The following SPEF2 variants were observed in gnomAD, a reference collection of about 807,000 sequenced individuals.
The protein encoded by SPEF2 is sperm flagellar and cilia associated 2.
A neutral mutation model predicts 224.6 loss-of-function variants in SPEF2; 187 were observed. That is an observed-to-expected ratio of 0.83 (90% CI 0.74 to 0.94). SPEF2 has a LOEUF of 0.94. Ranked by LOEUF, SPEF2 falls within the 40% of genes least tolerant of loss-of-function variation. The pLI is 0.00. For synonymous variants in SPEF2, 715 were observed against 707.3 expected (o/e 1.01, Z -0.17); for missense variants, 2,170 against 2,135.6 (o/e 1.02, Z -0.32).
chr5:35,752,184 G>C (rs921956894), intron 23 of SPEF2, among the ~76,000 whole-genome samples: 7 of 152,206 alleles, frequency 4.6e-5, no homozygotes, highest in Admixed American at 1.3e-4. Flanking sequence ...GTGTGGCCCA[G>C]TTCCTAACAA....
chr5:35,768,438 A>C (rs1752372820), intron 26 of SPEF2, among the ~76,000 whole-genome samples: 2 of 152,136 alleles, frequency 1.3e-5, no homozygotes, highest in African/African-American at 4.8e-5. Flanking sequence ...GAAAGGGAGG[A>C]TCATATAGCT....
At chr5:35,746,862 A>T (rs1444268760) in intron 23 of SPEF2, among the ~76,000 whole-genome samples, 1 of 152,176 alleles carries the variant, frequency 6.6e-6, no homozygotes, top group Non-Finnish European at 1.5e-5. Flanking sequence ...ACCTAGGCAC[A>T]TTGCCATCAG....
intron 30 of SPEF2, among the ~76,000 whole-genome samples, chr5:35,783,444 G>C (rs1754624432): frequency 6.6e-6 from 1 of 152,166 alleles, no homozygotes; most frequent in Non-Finnish European, 1.5e-5. Context: ...TATATGTAAA[G>C]TGCTTAGAAA....
At position 35,806,804 on chromosome 5, in the gene SPEF2, G is replaced by A. The variant is rs771434394; in HGVS notation, c.5108G>A (p.Arg1703Lys). Residue 1703 changes from arginine to lysine, a missense_variant, in exon 35 of 37, where the codon AGG becomes AAG. By Grantham distance (26) the Arg-to-Lys change is conservative. Coordinates refer to ENST00000356031, the MANE Select transcript of SPEF2 (RefSeq NM_024867.4). ...AAATTAAAAGACGACACGGAGAAAA[G>A]GGAACAGAAGGATGAAGAAATCCCT... The part of the protein sequence containing the change: ...ERKLKDDTEK[R>K]EQKDEEIPEN... 4 of 1,613,852 alleles carry A rather than the reference G, an allele frequency of 2.5e-6. No homozygotes were observed. In the Admixed American group the frequency reaches 6.7e-5, roughly 27 times the overall value.
At chr5:35,727,975 C>A in intron 21 of SPEF2, 152 bp downstream of exon 21, 1 of 734,558 alleles carries the variant, frequency 1.4e-6, no homozygotes, top group Non-Finnish European at 2.1e-6. Flanking sequence ...ACTCAATGAC[C>A]CATATCTCAT....
intron 19 of SPEF2, chr5:35,710,606 T>C: frequency 1.0e-6 from 1 of 985,034 alleles, no homozygotes; most frequent in Non-Finnish European, 1.2e-6. Context: ...TCACAGTGGG[T>C]CAGGTGAGCC....
At chr5:35,728,712 T>C (rs1048836691) in intron 21 of SPEF2, among the ~76,000 whole-genome samples, 1 of 151,916 alleles carries the variant, frequency 6.6e-6, no homozygotes, top group Non-Finnish European at 1.5e-5. Context: ...CAGTAGAGAG[T>C]ATGTAACAGA....
At position 35,779,292 on chromosome 5, in the gene SPEF2, A is replaced by C. The variant is rs748599615; in HGVS notation, c.4393A>C (p.Thr1465Pro). The part of the protein sequence containing the change: ...PVEKEEDGTL[T>P]IEQLDSLRDQ... ...AGAAAAGGAAGAAGATGGTACCCTG[A>C]CCATTGAACAGCTTGACAGTCTTCG... Residue 1465 changes from threonine (T) to proline (P), a missense_variant, in exon 30 of 37, where the codon ACC (threonine) becomes CCC (proline). Thr to Pro is a conservative substitution (Grantham distance 38). Transcript: ENST00000356031. 3 of 1,613,692 alleles carry C rather than the reference A, an allele frequency of 1.9e-6. No individual in the cohort carries two copies. Among genetic ancestry groups the C allele is most frequent in the Non-Finnish European group, 2.5e-6 (3 of 1,179,846 alleles).
rs1340852091 is a variant in SPEF2 at position 35,659,064 on chromosome 5, T to C, written c.1024T>C (p.Ser342Pro). 3 of 1,600,874 alleles carry C rather than the reference T, an allele frequency of 1.9e-6. No individual in the cohort carries two copies. Among genetic ancestry groups the C allele is most frequent in the Non-Finnish European group, 2.6e-6 (3 of 1,171,500 alleles). The change falls in exon 8 of 37, where the codon TCC becomes CCC. Residue 342 changes from serine (S) to proline (P), a missense_variant. Ser to Pro is a moderately conservative substitution (Grantham distance 74). Transcript: ENST00000356031. ...EQLINRLMRQ[S>P]QQERRIAVQL... Reference sequence around the variant, plus strand: ...GCTGATTAACCGGCTGATGCGGCAGTCCCAGCAGGAGCGCAGGATTGCCGT... The same window carrying C: ...GCTGATTAACCGGCTGATGCGGCAGCCCCAGCAGGAGCGCAGGATTGCCGT...
chr5:35,698,158 G>A lies in SPEF2; in HGVS notation c.2141+365G>A, dbSNP rs1247659125. The A allele has an allele frequency of 7.9e-5, 13 of 163,790 alleles. 1 individual carries two copies. In the South Asian group the frequency reaches 2.2e-3, roughly 27 times the overall value. The allele number at this position is 163,790 out of a possible 1,614,324, so 10.1% of individuals were successfully genotyped here. The stretch of plus-strand genomic sequence containing the variant: ...ACTTGGCTGACAAATGTAATAAAGA[G>A]AGAAGGTCAGCAGGCTGGAGAAAAC... On this transcript the variant is annotated intron_variant, in intron 15 of 36. Transcript: ENST00000356031.
intron 10 of SPEF2, among the ~76,000 whole-genome samples, chr5:35,679,756 GT>G: frequency 6.6e-6 from 1 of 152,158 alleles, no homozygotes; most frequent in Non-Finnish European, 1.5e-5. Flanking sequence ...TCTCCTGACT[GT>G]TTTAAACCTG....
At position 35,753,748 on chromosome 5, in the gene SPEF2, T is replaced by C; in HGVS notation, c.3455T>C (p.Phe1152Ser). ...DTLGMTMNHF[F>S]SLMQAELNRF... ...CTTGGAATGACAATGAACCATTTCT[T>C]TTCCCTGATGCAGGTAAGAGCAGCT... The change falls in exon 24 of 37, where the codon TTT becomes TCT. Residue 1152 changes from phenylalanine to serine, a missense_variant. Transcript: ENST00000356031. 1 of 1,614,090 alleles carries C rather than the reference T, an allele frequency of 6.2e-7. No homozygotes were observed. The highest frequency in any genetic ancestry group is 8.5e-7 in the Non-Finnish European group (1 of 1,179,998).
At chr5:35,664,005 T>C (rs1278695214) in intron 8 of SPEF2, among the ~76,000 whole-genome samples, 1 of 152,100 alleles carries the variant, frequency 6.6e-6, no homozygotes, top group African/African-American at 2.4e-5. Context: ...TCTGGCCACA[T>C]TGGTTTGCTC....
intron 3 of SPEF2, among the ~76,000 whole-genome samples, chr5:35,644,084 T>C (rs1260056009): frequency 6.6e-6 from 1 of 152,148 alleles, no homozygotes; most frequent in Non-Finnish European, 1.5e-5. Context: ...ATAAATACCA[T>C]TTATTGAAAA....
At chr5:35,785,493 A>G (rs1164967931) in intron 30 of SPEF2, among the ~76,000 whole-genome samples, 5 of 151,966 alleles carry the variant, frequency 3.3e-5, no homozygotes, top group African/African-American at 1.2e-4. Context: ...TTGGAAATTA[A>G]ATTTTTTTAA....
chr5:35,772,088 A>G (rs1752935979), intron 27 of SPEF2, among the ~76,000 whole-genome samples: 1 of 152,248 alleles, frequency 6.6e-6, no homozygotes, highest in Admixed American at 6.5e-5. Flanking sequence ...AACAAAGAGA[A>G]GTTTAAAAGC....
At chr5:35,619,901 G>C (rs1335940662) in intron 1 of SPEF2, among the ~76,000 whole-genome samples, 2 of 152,150 alleles carry the variant, frequency 1.3e-5, no homozygotes, top group Non-Finnish European at 2.9e-5. Flanking sequence ...GACTAAGTAA[G>C]AATTTTAACA....
At chr5:35,688,271 A>T (rs1221375763) in intron 10 of SPEF2, among the ~76,000 whole-genome samples, 1 of 152,132 alleles carries the variant, frequency 6.6e-6, no homozygotes, top group Non-Finnish European at 1.5e-5. Flanking sequence ...TGTTGCACGG[A>T]CTAGAACTTC....
At chr5:35,783,796 C>T (rs1299562027) in intron 30 of SPEF2, among the ~76,000 whole-genome samples, 2 of 152,116 alleles carry the variant, frequency 1.3e-5, no homozygotes, top group African/African-American at 4.8e-5. Flanking sequence ...ACATCAAGTG[C>T]CAAATACATA....
Sources: allele counts gnomAD v4.1 joint callset (sites outside exome capture counted in the v4.1 genomes callset), GRCh38; gene constraint gnomAD v4.1.1; transcripts MANE v1.5; gene names NCBI Gene and HGNC (gene_info 2026-07-23, HGNC 2026-07-21).